CDH6: variants seen among roughly 807,000 people sequenced by gnomAD.
The protein encoded by CDH6 is cadherin-6.
A neutral mutation model predicts 78.0 loss-of-function variants in CDH6; 31 were observed. The ratio of observed to expected loss-of-function variants is 0.40; its 90% CI spans 0.30 to 0.54. CDH6 has a LOEUF of 0.54. Among genes scored for constraint, CDH6 ranks in the 20% least tolerant of loss-of-function variants. The probability of loss-of-function intolerance (pLI) is 0.56; values close to 1 mark genes in which losing one functional copy is unlikely to be tolerated. For missense variants in CDH6, 724 were observed against 975.9 expected (o/e 0.74, Z 3.44); for synonymous variants, 376 against 368.8 (o/e 1.02, Z -0.23).
At chr5:31,317,613 G>T in intron 10 of CDH6, 60 bp from the exon 11 acceptor site, 1 of 1,576,348 alleles carries the variant, frequency 6.3e-7, no homozygotes, top group Non-Finnish European at 8.6e-7. Flanking sequence ...TCTTATCACA[G>T]TTGATTTAAT....
At chr5:31,240,641 A>C (rs1341268111) in intron 1 of CDH6, among the ~76,000 whole-genome samples, 1 of 152,164 alleles carries the variant, frequency 6.6e-6, no homozygotes, top group East Asian at 1.9e-4. Flanking sequence ...AAGAAGAAAC[A>C]CAGCAATTTT....
At chr5:31,253,331 T>C (rs1741963540) in intron 1 of CDH6, among the ~76,000 whole-genome samples, 1 of 152,222 alleles carries the variant, frequency 6.6e-6, no homozygotes, top group South Asian at 2.1e-4. Flanking sequence ...CTGATGGTTT[T>C]ACAAGGGGCT....
chr5:31,266,799 A>C (rs540069066), intron 1 of CDH6, among the ~76,000 whole-genome samples: 1 of 152,314 alleles, frequency 6.6e-6, no homozygotes, highest in South Asian at 2.1e-4. Context: ...TTCCAACCTT[A>C]TTTGACCCAA....
intron 2 of CDH6, among the ~76,000 whole-genome samples, chr5:31,269,926 C>T (rs1239110214): frequency 1.3e-5 from 2 of 152,168 alleles, no homozygotes; most frequent in Non-Finnish European, 2.9e-5. Flanking sequence ...GTCAAAGTTG[C>T]CTCATGGCTG....
chr5:31,194,996 C>T (rs1301071862), intron 1 of CDH6, among the ~76,000 whole-genome samples: 1 of 151,684 alleles, frequency 6.6e-6, no homozygotes, highest in African/African-American at 2.4e-5. Flanking sequence ...AAGGGCTGGC[C>T]ACCTGAGTTA....
At chr5:31,282,385 T>C (rs1742885729) in intron 2 of CDH6, among the ~76,000 whole-genome samples, 1 of 151,772 alleles carries the variant, frequency 6.6e-6, no homozygotes, top group African/African-American at 2.4e-5. Context: ...AGACTTCAAA[T>C]TCTCTCTCTC....
At chr5:31,282,944 T>G (rs145731823) in intron 2 of CDH6, among the ~76,000 whole-genome samples, 135 of 151,754 alleles carry the variant, frequency 8.9e-4, no homozygotes, top group African/African-American at 3.2e-3. Flanking sequence ...TATGGTATTA[T>G]TTAAGTGTAT....
At chr5:31,268,082 T>C (rs1234397408) in intron 2 of CDH6, among the ~76,000 whole-genome samples, 1 of 152,206 alleles carries the variant, frequency 6.6e-6, no homozygotes, top group African/African-American at 2.4e-5. Flanking sequence ...TCTCTCATTC[T>C]AAAAGCAAAT....
intron 1 of CDH6, among the ~76,000 whole-genome samples, chr5:31,213,134 A>G (rs934433824): frequency 6.6e-5 from 10 of 152,228 alleles, no homozygotes; most frequent in Non-Finnish European, 1.3e-4. Context: ...TTCAAATCTG[A>G]AAACATAGAT....
intron 2 of CDH6, among the ~76,000 whole-genome samples, chr5:31,273,650 A>G (rs1742596853): frequency 1.3e-5 from 2 of 152,218 alleles, no homozygotes; most frequent in South Asian, 4.1e-4. Context: ...AAAACCCGGA[A>G]CATGCGTTGG....
At chr5:31,214,536 A>G (rs573691466) in intron 1 of CDH6, among the ~76,000 whole-genome samples, 1 of 152,198 alleles carries the variant, frequency 6.6e-6, no homozygotes, top group Non-Finnish European at 1.5e-5. Flanking sequence ...TCATATTAGC[A>G]TAGGCCCATA....
intron 1 of CDH6, chr5:31,251,187 T>C (rs1741898586): frequency 1.3e-5 from 2 of 152,272 alleles, no homozygotes; most frequent in East Asian, 3.8e-4. Context: ...GGGAGCATTT[T>C]GACTCAGTCT....
rs1168591480 is a variant in CDH6, at chr5:31,323,211, A to G, written c.2276A>G (p.Asp759Gly). Residue 759 changes from aspartate to glycine, a missense_variant, in exon 12 of 12, where the codon GAT becomes GGT. Physicochemically the swap from Asp to Gly is moderately conservative, Grantham distance 94 (BLOSUM62 -1). Coordinates refer to ENST00000265071, the MANE Select transcript of CDH6 (RefSeq NM_004932.4). Reference sequence around the variant, plus strand: ...AGCTCGCTGGAGTCAGTGACCACGGATGCAGATCAAGACTATGATTACCTT... The same window carrying G: ...AGCTCGCTGGAGTCAGTGACCACGGGTGCAGATCAAGACTATGATTACCTT... Reference protein sequence around the residue: ...SLSSLESVTTDADQDYDYLSD... With the variant: ...SLSSLESVTTGADQDYDYLSD... 1 of 1,614,068 alleles carries G rather than the reference A, an allele frequency of 6.2e-7. No homozygotes were observed. Among genetic ancestry groups the G allele is most frequent in the Non-Finnish European group, 8.5e-7 (1 of 1,180,030 alleles).
Position 31,316,422 on chromosome 5 carries a change from G to A in CDH6, c.1512+93G>A, listed in dbSNP as rs1324057091. Reference sequence around the variant, plus strand: ...TGATTCACAGAGCTGAAGGAGAGTTGTGAATTATCTATGAAGTGAATGCTA... The same window carrying A: ...TGATTCACAGAGCTGAAGGAGAGTTATGAATTATCTATGAAGTGAATGCTA... On this transcript the variant is annotated intron_variant, in intron 9 of 11. Transcript: ENST00000265071. 19 of 1,128,934 alleles carry A rather than the reference G, an allele frequency of 1.7e-5. 1 individual carries two copies. In the South Asian group the frequency reaches 3.0e-4, roughly 18 times the overall value. The allele number at this position is 1,128,934 out of a possible 1,614,324, so 69.9% of individuals were successfully genotyped here. A position where few individuals can be genotyped will look rare whatever the true frequency, so the allele number is the denominator to read the frequency against.
chr5:31,234,530 A>G (rs1225882859), intron 1 of CDH6, among the ~76,000 whole-genome samples: 1 of 152,172 alleles, frequency 6.6e-6, no homozygotes, highest in Non-Finnish European at 1.5e-5. Flanking sequence ...TCAGCATCCT[A>G]TACAGCTGAT....
At chr5:31,227,729 T>C (rs1741192728) in intron 1 of CDH6, among the ~76,000 whole-genome samples, 1 of 152,190 alleles carries the variant, frequency 6.6e-6, no homozygotes, top group Non-Finnish European at 1.5e-5. Flanking sequence ...GCTGTGGCCG[T>C]GCTTCTCAGA....
chr5:31,198,999 G>A (rs1561193067), intron 1 of CDH6, among the ~76,000 whole-genome samples: 1 of 152,002 alleles, frequency 6.6e-6, no homozygotes, highest in Non-Finnish European at 1.5e-5. Context: ...GTGCATTGAA[G>A]AATATCAACT....
chr5:31,292,623 A>C (rs1417926822), intron 2 of CDH6, among the ~76,000 whole-genome samples: 2 of 151,836 alleles, frequency 1.3e-5, no homozygotes, highest in Admixed American at 1.3e-4. Flanking sequence ...TCCCACTAAC[A>C]CTAACTTCTC....
At chr5:31,194,796 G>C (rs1428224639) in intron 1 of CDH6, among the ~76,000 whole-genome samples, 4 of 152,142 alleles carry the variant, frequency 2.6e-5, no homozygotes, top group Non-Finnish European at 5.9e-5. Context: ...AAAAAGGGAC[G>C]CTGCAATGTT....
Sources: allele counts gnomAD v4.1 joint callset (sites outside exome capture counted in the v4.1 genomes callset), GRCh38; gene constraint gnomAD v4.1.1; transcripts MANE v1.5; gene names NCBI Gene and HGNC (gene_info 2026-07-23, HGNC 2026-07-21).